UBE3B: variants seen among roughly 807,000 people sequenced by gnomAD.
UBE3B encodes the protein ubiquitin-protein ligase E3B.
A neutral mutation model predicts 132.3 loss-of-function variants in UBE3B; 80 were observed. That is an observed-to-expected ratio of 0.60 (90% confidence interval 0.50 to 0.73). The LOEUF is 0.73. Ranked by LOEUF, UBE3B falls within the 30% of genes least tolerant of loss-of-function variation. UBE3B has a pLI of 0.00. For missense variants in UBE3B, 1,196 were observed against 1,362.5 expected, an observed-to-expected ratio of 0.88 and a Z score of 1.92; for synonymous variants, 487 against 520.4, an observed-to-expected ratio of 0.94 and a Z score of 0.87.
chr12:109,527,923 CCT>C lies in UBE3B; in HGVS notation c.2627+1508_2627+1509del, dbSNP rs545888115. Among the ~76,000 whole-genome samples the C allele has an allele frequency of 2.5e-4, 38 of 152,272 alleles. No individual in the cohort carries two copies. The South Asian group carries it at 7.9e-3, about 32-fold the overall frequency. ...ACGTGTCACATGGATCCTGCCACCC[CCT>C]GAGAGGACACGCATTGCCAGGTGTT... On this transcript the variant is annotated intron_variant, in intron 24 of 27. Coordinates refer to ENST00000342494, the MANE Select transcript of UBE3B (RefSeq NM_130466.4).
chr12:109,483,972 G>A lies in UBE3B; in HGVS notation c.273G>A (p.Glu91=), dbSNP rs1475521028. 3 of 1,611,300 alleles carry A rather than the reference G, an allele frequency of 1.9e-6. No homozygotes were observed. The highest frequency in any genetic ancestry group is 8.5e-7 in the Non-Finnish European group (1 of 1,178,956). Residue 91 remains glutamate (E), a synonymous_variant, in exon 4 of 28, where the codon GAG becomes GAA. Coordinates refer to ENST00000342494, the MANE Select transcript of UBE3B (RefSeq NM_130466.4). ...TGCTGTTCCTATTCAGAATCAAAGA[G>A]GATAATGAGGTAAAACGATAATAGC... The part of the protein sequence containing the change: ...RKLLFLFRIK[E]DNERFEKLCR...
intron 15 of UBE3B, among the ~76,000 whole-genome samples, chr12:109,508,258 T>C (rs1026080997): frequency 2.1e-4 from 32 of 152,190 alleles, no homozygotes; most frequent in African/African-American, 7.2e-4. Flanking sequence ...CCCTGGCACA[T>C]AGGATGAGTT....
rs952285317 is a variant in UBE3B, at chr12:109,535,694, G to A, written c.*912G>A. The A allele has an allele frequency of 3.9e-5, 6 of 152,214 alleles. No homozygotes were observed. The highest frequency in any genetic ancestry group is 7.2e-5 in the African/African-American group (3 of 41,434). 9.4% of individuals were successfully genotyped at this position (152,214 alleles called of 1,614,324 possible). A position where few individuals can be genotyped will look rare whatever the true frequency, so the allele number is the denominator to read the frequency against. On this transcript the variant is annotated 3_prime_UTR_variant, in exon 28 of 28. Transcript: ENST00000342494. ...AGGTACACATCCCATCTGGGCGGTG[G>A]CTTCACTCCTGAGTCTGCAAAATCC...
intron 24 of UBE3B, 82 bp downstream of exon 24, chr12:109,526,498 T>C: frequency 1.4e-6 from 2 of 1,402,082 alleles, no homozygotes; most frequent in South Asian, 1.2e-5. Flanking sequence ...GAGAATTTAT[T>C]AAGATAGATT....
chr12:109,489,111 A>G (rs887805652), intron 7 of UBE3B, among the ~76,000 whole-genome samples: 1 of 152,236 alleles, frequency 6.6e-6, no homozygotes, highest in Non-Finnish European at 1.5e-5. Context: ...CTGTTCAACA[A>G]GTAGCCCATA....
At chr12:109,529,633 T>G (rs1381916046) in intron 24 of UBE3B, among the ~76,000 whole-genome samples, 1 of 152,146 alleles carries the variant, frequency 6.6e-6, no homozygotes, top group Non-Finnish European at 1.5e-5. Flanking sequence ...TACCCCGAGG[T>G]GTGACCTATG....
intron 17 of UBE3B, 140 bp from the exon 18 acceptor site, chr12:109,511,064 G>C (rs1456167492): frequency 1.4e-6 from 1 of 694,398 alleles, no homozygotes; most frequent in South Asian, 1.8e-5. Flanking sequence ...ATGTATGAAT[G>C]AGTATGGTCA....
intron 19 of UBE3B, 36 bp downstream of exon 19, chr12:109,516,920 A>G: frequency 1.2e-6 from 2 of 1,603,768 alleles, no homozygotes; most frequent in Non-Finnish European, 1.7e-6. Context: ...ACCACAAGGA[A>G]GTGGGCCCTG....
At chr12:109,538,404 G>A (rs1398165505), downstream of UBE3B, among the ~76,000 whole-genome samples, 4 of 152,228 alleles carry the variant, frequency 2.6e-5, no homozygotes, top group African/African-American at 7.2e-5. This position sits in a 1 kb window ranked among gnomAD's most constrained non-coding sequence, Gnocchi z 4.1. Context: ...CTCTGGAATC[G>A]CAGAGATGTG....
chr12:109,490,056 C>A, intron 8 of UBE3B, 52 bp downstream of exon 8: 1 of 1,554,934 alleles, frequency 6.4e-7, no homozygotes, highest in Non-Finnish European at 8.9e-7. Context: ...CCAACACCTG[C>A]ACTTGGATTT....
Position 109,499,709 on chromosome 12 carries a change from C to G in UBE3B, c.1017C>G (p.Thr339=), listed in dbSNP as rs146300392. 1.7e-4 allele frequency: 281 copies of G among 1,613,472 alleles called. No individual in the cohort carries two copies. The highest frequency in any genetic ancestry group is 9.9e-4 in the Middle Eastern group (6 of 6,058). ...CAGATGGGTTCGTGAGTTTGCTCAC[C>G]CAGACGCTGTGCTACTGTCGGAAGT... The part of the protein sequence containing the change: ...EETDGFVSLL[T]QTLCYCRKYV... Residue 339 remains threonine (T), a synonymous_variant, in exon 12 of 28, where the codon ACC becomes ACG. Transcript: ENST00000342494.
At chr12:109,490,253 T>C (rs1592893849) in intron 8 of UBE3B, 1 of 1,003,750 alleles carries the variant, frequency 1.0e-6, no homozygotes, top group Non-Finnish European at 1.5e-6. Context: ...ATCCAGTCTT[T>C]TGACATTTAA....
Position 109,510,426 on chromosome 12 carries a change from G to A in UBE3B, c.1824G>A (p.Arg608=). ...LMVLYERDCR[R]RFTPEDHWLR... is the part of the protein sequence containing the mutation. ...TGCTGTACGAGCGGGACTGCCGGCG[G>A]CGCTTCACCCCCGAGGACCACTGGC... The change falls in exon 17 of 28, where the codon CGG becomes CGA. Residue 608 remains arginine, a synonymous_variant. Coordinates refer to ENST00000342494, the MANE Select transcript of UBE3B (RefSeq NM_130466.4). 2 of 1,612,842 alleles carry A rather than the reference G, an allele frequency of 1.2e-6. No individual in the cohort carries two copies. Among genetic ancestry groups the A allele is most frequent in the Non-Finnish European group, 1.7e-6 (2 of 1,179,596 alleles).
rs140114450 is a variant in UBE3B at position 109,521,188 on chromosome 12, T to C, written c.2117T>C (p.Met706Thr). The change falls in exon 20 of 28, where the codon ATG becomes ACG. Residue 706 changes from methionine to threonine, a missense_variant. Met to Thr is a moderately conservative substitution (Grantham distance 81, BLOSUM62 -1). Transcript: ENST00000342494. This position sits in a 1 kb window ranked among gnomAD's most constrained non-coding sequence, Gnocchi z 4.2. ...CTTAGGCAGCTCTCCCAGCACGCCA[T>C]GAAGGGGGTCATCCGTGTGAAGTTT... ...EQLRQLSQHAMKGVIRVKFVN... is the reference protein window; with the variant it reads ...EQLRQLSQHATKGVIRVKFVN... 1 of 1,614,172 alleles carries C rather than the reference T, an allele frequency of 6.2e-7. No homozygotes were observed. The highest frequency in any genetic ancestry group is 8.5e-7 in the Non-Finnish European group (1 of 1,180,018).
chr12:109,543,398 A>G, the UBE3B span, among the ~76,000 whole-genome samples: 9 of 152,072 alleles, frequency 5.9e-5, no homozygotes, highest in African/African-American at 2.2e-4. Context: ...ACACAGCAGG[A>G]CTCGGCTGAG....
At position 109,486,035 on chromosome 12, in the gene UBE3B, C is replaced by A; in HGVS notation, c.306C>A (p.Ser102Arg). The A allele has an allele frequency of 1.3e-6, 2 of 1,554,882 alleles. No homozygotes were observed. The highest frequency in any genetic ancestry group is 1.7e-6 in the Non-Finnish European group (2 of 1,148,536). The stretch of plus-strand genomic sequence containing the variant: ...AGAGATTTGAGAAGTTGTGTCGCAG[C>A]ATCCTGAGCAGCATGGATGCTGAGA... ...DNERFEKLCR[S>R]ILSSMDAENE... is the part of the protein sequence containing the mutation. The change falls in exon 5 of 28, where the codon AGC becomes AGA. Residue 102 changes from serine (S) to arginine (R), a missense_variant. Ser to Arg is a moderately radical substitution (Grantham distance 110). Coordinates refer to ENST00000342494, the MANE Select transcript of UBE3B (RefSeq NM_130466.4).
intron 18 of UBE3B, among the ~76,000 whole-genome samples, chr12:109,516,244 T>A (rs1190927840): frequency 6.9e-6 from 1 of 144,720 alleles, no homozygotes; most frequent in African/African-American, 2.6e-5. Context: ...CGATCTTGGC[T>A]CACTGTAACC....
chr12:109,546,918 C>T, the UBE3B span, among the ~76,000 whole-genome samples: 3 of 152,160 alleles, frequency 2.0e-5, no homozygotes, highest in African/African-American at 7.2e-5. Context: ...CAATGTTGCT[C>T]AGGCTGGTGT....
Position 109,478,729 on chromosome 12 carries a change from A to G in UBE3B, c.-128+620A>G, listed in dbSNP as rs532560135. ...CTGGGAGGCGGAGGTTGCAGTGAGCAGAGTTCGCGCCGCTGCACTCCAGCC... is the reference window on the plus strand; with the variant it reads ...CTGGGAGGCGGAGGTTGCAGTGAGCGGAGTTCGCGCCGCTGCACTCCAGCC... On this transcript the variant is annotated intron_variant, in intron 1 of 27. Transcript: ENST00000342494. Among the ~76,000 whole-genome samples, 3 of 152,338 alleles carry G rather than the reference A, an allele frequency of 2.0e-5. No homozygotes were observed. In the South Asian group the frequency reaches 6.2e-4, roughly 32 times the overall value.
Sources: gnomAD v4.1 joint callset for allele counts (sites outside exome capture counted in the v4.1 genomes callset) on GRCh38, gnomAD v4.1.1 for gene constraint, Gnocchi (gnomAD v3.1) non-coding constraint, MANE v1.5 for transcripts, NCBI Gene and HGNC (gene_info 2026-07-23, HGNC 2026-07-21) for gene names.